Variants in DDX10 observed in about 807,000 individuals in gnomAD.
DDX10 encodes the protein DEAD-box helicase 10, also known as probable ATP-dependent RNA helicase DDX10.
DDX10 carries 74 observed loss-of-function variants against 104.3 expected under a neutral mutation model. That is an observed-to-expected ratio of 0.71 (90% CI 0.59 to 0.86). The LOEUF (loss-of-function observed/expected upper bound fraction) is 0.86, where lower values mean the gene tolerates loss of function less well. DDX10 is among the 40% of genes least tolerant of loss of function. DDX10 has a pLI of 0.00. For synonymous variants in DDX10, 351 were observed against 353.4 expected (o/e 0.99, Z 0.08); for missense variants, 952 against 1,040.0 (o/e 0.92, Z 1.16).
chr11:108,726,589 T>C (rs1192518691), intron 13 of DDX10, among the ~76,000 whole-genome samples: 1 of 152,088 alleles, frequency 6.6e-6, no homozygotes. Flanking sequence ...GGGAGTTTCT[T>C]GGGATTTTCT....
At chr11:108,835,512 T>C (rs1287180060) in intron 13 of DDX10, among the ~76,000 whole-genome samples, 3 of 152,220 alleles carry the variant, frequency 2.0e-5, no homozygotes, top group South Asian at 2.1e-4. Flanking sequence ...GTTCTTGGCA[T>C]TTTGAACAAA....
chr11:108,848,789 G>A (rs1054315235), intron 15 of DDX10, among the ~76,000 whole-genome samples: 1 of 152,066 alleles, frequency 6.6e-6, no homozygotes, highest in Non-Finnish European at 1.5e-5. Flanking sequence ...TTAGGTTGAT[G>A]GTGAGTAGGT....
At chr11:108,688,287 T>G (rs1253369811) in intron 6 of DDX10, among the ~76,000 whole-genome samples, 5 of 152,212 alleles carry the variant, frequency 3.3e-5, no homozygotes, top group African/African-American at 1.2e-4. Context: ...CATTTTATAA[T>G]GAAATTTCAA....
chr11:108,696,773 A>G (rs914601761), intron 9 of DDX10, among the ~76,000 whole-genome samples: 1 of 152,004 alleles, frequency 6.6e-6, no homozygotes, highest in Admixed American at 6.6e-5. Flanking sequence ...TTATTTTCAT[A>G]TGTATTACAT....
rs1473769732 is a variant in DDX10 at position 108,896,104 on chromosome 11, G to A, written c.2305-21769G>A. ...GTGACTTTAGTAGGAGATCCACTTT[G>A]CCGTGACTGTATTATCCATCTTAGA... On this transcript the variant is annotated intron_variant, in intron 16 of 17. Coordinates refer to ENST00000322536, the MANE Select transcript of DDX10 (RefSeq NM_004398.4). Among the ~76,000 whole-genome samples the A allele has an allele frequency of 3.3e-5, 5 of 152,200 alleles. No individual in the cohort carries two copies. The East Asian group carries it at 9.7e-4, about 29-fold the overall frequency.
At position 108,691,957 on chromosome 11, in the gene DDX10, A is replaced by G. The variant is rs757648306; in HGVS notation, c.1057A>G (p.Arg353Gly). Residue 353 changes from arginine (R) to glycine (G), a missense_variant, in exon 8 of 18, where the codon AGA becomes GGA. Around this residue, in one of 3 missense-constraint regions of DDX10, gnomAD observed 412 missense variants for 479.2 expected, o/e 0.86. Transcript: ENST00000322536. ...ACTCCATGGTCGACAGCAGCAAATG[A>G]GAAGAATGGAAGTCTATAATGAGTT... ...LALHGRQQQM[R>G]RMEVYNEFVR... is the part of the protein sequence containing the mutation. 1 of 1,614,152 alleles carries G rather than the reference A, an allele frequency of 6.2e-7. No homozygotes were observed. The highest frequency in any genetic ancestry group is 2.2e-5 in the East Asian group (1 of 44,886).
chr11:108,794,794 C>A (rs757425240), intron 13 of DDX10, among the ~76,000 whole-genome samples: 1 of 151,516 alleles, frequency 6.6e-6, no homozygotes, highest in Non-Finnish European at 1.5e-5. Flanking sequence ...CCTATGTTTG[C>A]GAAACCTGTT....
At chr11:108,681,023 A>G (rs1451511711) in intron 6 of DDX10, among the ~76,000 whole-genome samples, 1 of 152,130 alleles carries the variant, frequency 6.6e-6, no homozygotes, top group East Asian at 1.9e-4. Context: ...TTTTTGTGAC[A>G]ATTAACAATT....
intron 13 of DDX10, among the ~76,000 whole-genome samples, chr11:108,826,935 G>A (rs1470635730): frequency 6.6e-6 from 1 of 152,134 alleles, no homozygotes; most frequent in Non-Finnish European, 1.5e-5. Flanking sequence ...TAAATTAATA[G>A]AAATTCGAAA....
intron 17 of DDX10, chr11:108,918,292 C>CT (rs201078868): frequency 0.1 from 31,896 of 312,944 alleles, 11 homozygotes; most frequent in East Asian, 0.16. Flanking sequence ...TTTCTCTATT[C>CT]TTTTTTTTTT....
At chr11:108,821,844 G>T (rs1028308001) in intron 13 of DDX10, among the ~76,000 whole-genome samples, 2 of 152,136 alleles carry the variant, frequency 1.3e-5, no homozygotes, top group African/African-American at 4.8e-5. Context: ...AATTAGATTG[G>T]CATAGTTAAG....
intron 16 of DDX10, among the ~76,000 whole-genome samples, chr11:108,884,852 G>C (rs780916606): frequency 2.6e-5 from 4 of 152,080 alleles, no homozygotes; most frequent in African/African-American, 4.8e-5. Context: ...CTTATGAATG[G>C]AGCCCCACCT....
chr11:108,928,959 A>G (rs1315691745), intron 17 of DDX10, among the ~76,000 whole-genome samples: 1 of 152,242 alleles, frequency 6.6e-6, no homozygotes, highest in African/African-American at 2.4e-5. Context: ...TTGCAAAAAT[A>G]TCTTACAGCC....
intron 13 of DDX10, among the ~76,000 whole-genome samples, chr11:108,756,963 G>A (rs2094345115): frequency 6.6e-6 from 1 of 151,992 alleles, no homozygotes; most frequent in Admixed American, 6.6e-5. Context: ...CAGACATCCT[G>A]ACACACAATC....
At chr11:108,920,757 G>C (rs1863814835) in intron 17 of DDX10, 1 of 152,208 alleles carries the variant, frequency 6.6e-6, no homozygotes. Context: ...GATAGACATG[G>C]TTTCCCACCC....
chr11:108,865,774 A>T (rs1000478430), intron 16 of DDX10, among the ~76,000 whole-genome samples: 3 of 152,144 alleles, frequency 2.0e-5, no homozygotes, highest in Non-Finnish European at 2.9e-5. Context: ...TGAGTGCCCT[A>T]CTATGTGTTA....
At chr11:108,810,806 ACCT>A (rs752375241) in intron 13 of DDX10, among the ~76,000 whole-genome samples, 1 of 152,154 alleles carries the variant, frequency 6.6e-6, no homozygotes, top group Non-Finnish European at 1.5e-5. Context: ...TAATGTTATA[ACCT>A]TAGAGAGAGT....
At chr11:108,780,859 G>C (rs2094377221) in intron 13 of DDX10, among the ~76,000 whole-genome samples, 1 of 152,168 alleles carries the variant, frequency 6.6e-6, no homozygotes, top group African/African-American at 2.4e-5. Context: ...ACAATGTGGT[G>C]ACAGCTGATT....
At chr11:108,684,190 T>A (rs866813247) in intron 6 of DDX10, among the ~76,000 whole-genome samples, 8 of 113,074 alleles carry the variant, frequency 7.1e-5, no homozygotes, top group Non-Finnish European at 1.1e-4. Flanking sequence ...TTTTTTTTTT[T>A]AATTTTTTTT....
Sources: gnomAD v4.1 joint callset for allele counts (sites outside exome capture counted in the v4.1 genomes callset) on GRCh38, gnomAD v4.1.1 for gene constraint, gnomAD v4.1.1 regional missense constraint, MANE v1.5 for transcripts, NCBI Gene and HGNC (gene_info 2026-07-23, HGNC 2026-07-21) for gene names.